The following PCLO variants were observed in gnomAD, a reference collection of about 807,000 sequenced individuals.
PCLO encodes the protein piccolo presynaptic cytomatrix protein.
A neutral mutation model predicts 427.5 loss-of-function variants in PCLO; 82 were observed. The observed-to-expected ratio is 0.19, with a 90% CI of 0.16 to 0.23. PCLO has a LOEUF of 0.23. Among genes scored for constraint, PCLO ranks in the 10% least tolerant of loss-of-function variants. The probability of loss-of-function intolerance (pLI) is 1.00; values close to 1 mark genes in which losing one functional copy is unlikely to be tolerated. For synonymous variants in PCLO, 2,357 were observed against 2,155.4 expected (o/e 1.09, Z -2.59); for missense variants, 6,239 against 6,115.9 (o/e 1.02, Z -0.67).
intron 10 of PCLO, chr7:82,868,304 T>A: frequency 2.4e-6 from 1 of 423,234 alleles, no homozygotes; most frequent in Non-Finnish European, 4.7e-6. Context: ...GTAATGCTAC[T>A]GGAATTAGCT....
At chr7:82,944,137 TAAA>T (rs71096608) in intron 6 of PCLO, among the ~76,000 whole-genome samples, 1 of 33,890 alleles carries the variant, frequency 3.0e-5, no homozygotes, top group African/African-American at 1.3e-4. Context: ...CAAGAATCCA[TAAA>T]AAAAAAAAAA....
In PCLO at chr7:83,156,218, T is replaced by G. The variant is rs1336002335; in HGVS notation, c.423A>C (p.Arg141Ser). The change falls in exon 2 of 25, where the codon AGA becomes AGC. Residue 141 changes from arginine (R) to serine (S), a missense_variant. Arg to Ser is a moderately radical substitution (Grantham distance 110). Around this residue, in one of 5 missense-constraint regions of PCLO, gnomAD observed 4,677 missense variants for 4,468.4 expected, o/e 1.05. Coordinates refer to ENST00000333891, the MANE Select transcript of PCLO (RefSeq NM_033026.6). Reference sequence around the variant, plus strand: ...ACTTGTGCTCTTCCTTTAAATCAGTTCTGGACTTTGATTCTTTCAAGCTAA... The same window carrying G: ...ACTTGTGCTCTTCCTTTAAATCAGTGCTGGACTTTGATTCTTTCAAGCTAA... ...STISLKESKS[R>S]TDLKEEHKSS... 3.1e-6 allele frequency: 5 copies of G among 1,613,688 alleles called. No homozygotes were observed. The highest frequency in any genetic ancestry group is 4.2e-6 in the Non-Finnish European group (5 of 1,179,820).
intron 3 of PCLO, among the ~76,000 whole-genome samples, chr7:82,993,895 G>T (rs560481324): frequency 1.3e-5 from 2 of 152,042 alleles, no homozygotes; most frequent in East Asian, 3.9e-4. Context: ...ATCATTCTCA[G>T]CAAACTAAAA....
At chr7:82,854,333 A>C (rs1466426240) in intron 10 of PCLO, among the ~76,000 whole-genome samples, 2 of 152,166 alleles carry the variant, frequency 1.3e-5, no homozygotes, top group Admixed American at 1.3e-4. Flanking sequence ...CAAGCAGACA[A>C]ATATTTATCA....
At position 82,952,071 on chromosome 7, in the gene PCLO, G is replaced by C. The variant is rs1306439370; in HGVS notation, c.8882C>G (p.Thr2961Ser). The part of the protein sequence containing the change: ...RSCTAQQPAT[T>S]LPEDRFGYRD... ...ATAACCAAAACGATCCTCAGGAAGAGTAGTTGCAGGCTGCTGTGCTGTGCA... is the reference window on the plus strand; with the variant it reads ...ATAACCAAAACGATCCTCAGGAAGACTAGTTGCAGGCTGCTGTGCTGTGCA... Residue 2961 changes from threonine to serine, a missense_variant, in exon 5 of 25, where the codon ACT becomes AGT. This residue lies in a region of PCLO where 4,677 missense variants were observed against 4,468.4 expected (regional missense o/e 1.05). Coordinates refer to ENST00000333891, the MANE Select transcript of PCLO (RefSeq NM_033026.6). The C allele has an allele frequency of 1.2e-6, 2 of 1,613,948 alleles. No homozygotes were observed. The highest frequency in any genetic ancestry group is 2.2e-5 in the South Asian group (2 of 91,084).
intron 3 of PCLO, among the ~76,000 whole-genome samples, chr7:83,011,616 C>A (rs903763283): frequency 5.1e-5 from 7 of 137,834 alleles, no homozygotes; most frequent in Non-Finnish European, 1.1e-4. Context: ...AAAAAAAAAA[C>A]AAATCCTAAG....
chr7:83,077,821 A>G lies in PCLO; in HGVS notation c.3300+56429T>C, dbSNP rs767088288. Among the ~76,000 whole-genome samples the G allele has an allele frequency of 4.6e-5, 7 of 152,176 alleles. No individual in the cohort carries two copies. The South Asian group carries it at 1.4e-3, about 31-fold the overall frequency. On this transcript the variant is annotated intron_variant, in intron 3 of 24. Transcript: ENST00000333891. ...AAGTGAATATATAAAAAGAAGACTT[A>G]TTTCAAGGAAGTAACAAGCAGAAAG...
chr7:83,025,422 T>C (rs1316926414), intron 3 of PCLO, among the ~76,000 whole-genome samples: 1 of 149,928 alleles, frequency 6.7e-6, no homozygotes, highest in Non-Finnish European at 1.5e-5. Flanking sequence ...TAAAAAGAAA[T>C]GAGCAAAGCC....
chr7:83,031,578 G>A (rs2116146458), intron 3 of PCLO, among the ~76,000 whole-genome samples: 1 of 152,218 alleles, frequency 6.6e-6, no homozygotes, highest in East Asian at 1.9e-4. Flanking sequence ...TTCAGTGTCT[G>A]AACAAATGGA....
chr7:82,888,981 A>G (rs72612644), intron 9 of PCLO, among the ~76,000 whole-genome samples: 31,625 of 128,654 alleles, frequency 0.25, 4,333 homozygotes, highest in East Asian at 0.64. Flanking sequence ...CTCTGCTCTG[A>G]TGTATCAGGT....
At chr7:82,788,134 C>T (rs1471365893) in intron 22 of PCLO, among the ~76,000 whole-genome samples, 2 of 149,626 alleles carry the variant, frequency 1.3e-5, no homozygotes, top group Admixed American at 1.3e-4. Flanking sequence ...GTGTATTTAT[C>T]TGATTTAATT....
chr7:83,054,676 G>A (rs1246355021), intron 3 of PCLO, among the ~76,000 whole-genome samples: 1 of 151,902 alleles, frequency 6.6e-6, no homozygotes, highest in Non-Finnish European at 1.5e-5. Flanking sequence ...AATTTACATA[G>A]TAAACCATCA....
intron 3 of PCLO, among the ~76,000 whole-genome samples, chr7:82,976,136 C>T (rs991691000): frequency 4.6e-5 from 7 of 152,162 alleles, no homozygotes; most frequent in Non-Finnish European, 7.3e-5. Context: ...AGCAGGGTCA[C>T]TAGGTGCTGT....
chr7:82,936,952 T>C (rs1400455907), intron 6 of PCLO, among the ~76,000 whole-genome samples: 1 of 151,678 alleles, frequency 6.6e-6, no homozygotes, highest in African/African-American at 2.4e-5. Flanking sequence ...GGTAAATCCA[T>C]ACAGACAAAA....
intron 3 of PCLO, among the ~76,000 whole-genome samples, chr7:83,030,736 C>G (rs924661834): frequency 1.3e-5 from 2 of 152,098 alleles, no homozygotes; most frequent in Admixed American, 1.3e-4. Flanking sequence ...CTGCAATAAC[C>G]TGGCAGTGTT....
chr7:83,040,635 A>C (rs1453662316), intron 3 of PCLO, among the ~76,000 whole-genome samples: 1 of 152,110 alleles, frequency 6.6e-6, no homozygotes, highest in African/African-American at 2.4e-5. Flanking sequence ...TTCAGCCTAC[A>C]TCTCTAATAA....
At chr7:82,849,997 C>CTTA (rs759183451) in intron 10 of PCLO, among the ~76,000 whole-genome samples, 80 of 123,242 alleles carry the variant, frequency 6.5e-4, no homozygotes, top group Admixed American at 1.7e-3. Context: ...ATTTAAATAG[C>CTTA]TTATTATTAT....
At chr7:83,121,050 G>A (rs567932485) in intron 3 of PCLO, among the ~76,000 whole-genome samples, 7 of 152,194 alleles carry the variant, frequency 4.6e-5, no homozygotes, top group East Asian at 3.9e-4. Flanking sequence ...TTGGGAGGCC[G>A]AGGTGGGCAG....
intron 14 of PCLO, among the ~76,000 whole-genome samples, chr7:82,840,173 G>A (rs1249164868): frequency 1.3e-5 from 2 of 152,088 alleles, no homozygotes; most frequent in Non-Finnish European, 2.9e-5. Context: ...TTTGTGAAAT[G>A]AAGAAAGATC....
Sources: allele counts gnomAD v4.1 joint callset (sites outside exome capture counted in the v4.1 genomes callset), GRCh38; gene constraint gnomAD v4.1.1; regional missense constraint gnomAD v4.1.1; transcripts MANE v1.5; gene names NCBI Gene and HGNC (gene_info 2026-07-23, HGNC 2026-07-21).